Variants in RXRG observed in about 807,000 individuals in gnomAD.
RXRG encodes retinoid X receptor gamma.
A neutral mutation model predicts 49.2 loss-of-function variants in RXRG; 19 were observed. The ratio of observed to expected loss-of-function variants is 0.39; its 90% CI spans 0.27 to 0.57. The LOEUF is 0.57. RXRG is among the 20% of genes least tolerant of loss of function. RXRG has a pLI of 0.64. For missense variants in RXRG, 452 were observed against 592.5 expected, an observed-to-expected ratio of 0.76 and a Z score of 2.46; for synonymous variants, 224 against 216.6, an observed-to-expected ratio of 1.03 and a Z score of -0.30.
chr1:165,402,921 A>G (rs979398197), intron 9 of RXRG, among the ~76,000 whole-genome samples: 2 of 148,562 alleles, frequency 1.3e-5, no homozygotes, highest in African/African-American at 5.1e-5. Context: ...GTGGTCTCAC[A>G]TACATGCACA....
In RXRG at chr1:165,410,760, C is replaced by T. The variant is rs755979930; in HGVS notation, c.855G>A (p.Lys285=). The T allele has an allele frequency of 1.2e-6, 2 of 1,614,112 alleles. No individual in the cohort carries two copies. Among genetic ancestry groups the T allele is most frequent in the Non-Finnish European group, 1.7e-6 (2 of 1,180,016 alleles). Residue 285 remains lysine, a synonymous_variant, in exon 6 of 10, where the codon AAG becomes AAA. Coordinates refer to ENST00000359842, the MANE Select transcript of RXRG (RefSeq NM_006917.5). ...TGAGGTCAGAGAAGTGGGGAATACGCTTGGCCCATTCAACGAGGGTGAAAA... is the reference window on the plus strand; with the variant it reads ...TGAGGTCAGAGAAGTGGGGAATACGTTTGGCCCATTCAACGAGGGTGAAAA... ...KQLFTLVEWA[K]RIPHFSDLTL... is the part of the protein sequence containing the mutation.
In RXRG at chr1:165,428,730, G is replaced by T. The variant is rs776346206; in HGVS notation, c.286C>A (p.Pro96Thr). The part of the protein sequence containing the change: ...APPGINLVAP[P>T]SSQLNVVNSV... ...GGAAGAACACTTACCTGAGAGCTGGGTGGGGCAACCAAGTTGATTCCTGGA... is the reference window on the plus strand; with the variant it reads ...GGAAGAACACTTACCTGAGAGCTGGTTGGGGCAACCAAGTTGATTCCTGGA... Residue 96 changes from proline to threonine, a missense_variant, in exon 2 of 10, where the codon CCC (proline) becomes ACC (threonine). Coordinates refer to ENST00000359842, the MANE Select transcript of RXRG (RefSeq NM_006917.5). The T allele has an allele frequency of 6.3e-7, 1 of 1,598,078 alleles. No homozygotes were observed. Among genetic ancestry groups the T allele is most frequent in the East Asian group, 2.2e-5 (1 of 44,546 alleles).
chr1:165,419,155 G>A (rs1378356910), intron 3 of RXRG, among the ~76,000 whole-genome samples: 1 of 152,146 alleles, frequency 6.6e-6, no homozygotes, highest in African/African-American at 2.4e-5. Flanking sequence ...AAATAACTGA[G>A]AAAAGGAGAA....
At chr1:165,406,437 C>T (rs1657752349) in intron 9 of RXRG, among the ~76,000 whole-genome samples, 1 of 152,272 alleles carries the variant, frequency 6.6e-6, no homozygotes, top group Admixed American at 6.5e-5. Context: ...ACAGGGTTCA[C>T]ATCTCACCTC....
intron 9 of RXRG, among the ~76,000 whole-genome samples, chr1:165,403,996 GACTTTTGATCTCTGCTTTCTGATCA>G (rs1657665570): frequency 6.6e-6 from 1 of 152,210 alleles, no homozygotes; most frequent in Non-Finnish European, 1.5e-5. Context: ...TCTGTGACCT[GACTTTTGATCTCTGCTTTCTGATCA>G]GAGTGAAAGC....
chr1:165,403,970 G>T (rs762367264), intron 9 of RXRG, among the ~76,000 whole-genome samples: 1 of 152,236 alleles, frequency 6.6e-6, no homozygotes, highest in Admixed American at 6.5e-5. Context: ...GTGTGCAAGA[G>T]AGTGTGTGTG....
intron 1 of RXRG, among the ~76,000 whole-genome samples, chr1:165,429,775 G>C (rs958344847): frequency 6.6e-6 from 1 of 152,180 alleles, no homozygotes; most frequent in South Asian, 2.1e-4. Context: ...GCAGCCAAAA[G>C]TGTCTGTGGA....
intron 4 of RXRG, among the ~76,000 whole-genome samples, chr1:165,413,388 A>G (rs1199412291): frequency 6.6e-6 from 1 of 152,232 alleles, no homozygotes; most frequent in Non-Finnish European, 1.5e-5. Context: ...TATGCTCAAC[A>G]TTTTAGATAG....
intron 4 of RXRG, among the ~76,000 whole-genome samples, chr1:165,414,124 C>T (rs12566892): frequency 4.6e-5 from 7 of 152,174 alleles, no homozygotes; most frequent in East Asian, 1.9e-4. Flanking sequence ...ATATAGTCAG[C>T]GGAGGAATTG....
chr1:165,440,460 A>G (rs1228990191), intron 1 of RXRG, among the ~76,000 whole-genome samples: 1 of 152,186 alleles, frequency 6.6e-6, no homozygotes, highest in African/African-American at 2.4e-5. Flanking sequence ...CCAATTGAGC[A>G]TCTATAATCC....
At position 165,401,110 on chromosome 1, in the gene RXRG, G is replaced by A. The variant is rs1657549613; in HGVS notation, c.*153C>T. The A allele has an allele frequency of 1.5e-6, 1 of 652,420 alleles. No individual in the cohort carries two copies. Among genetic ancestry groups the A allele is most frequent in the African/African-American group, 1.9e-5 (1 of 52,986 alleles). The allele number at this position is 652,420 out of a possible 1,614,324, so 40.4% of individuals were successfully genotyped here. A position where few individuals can be genotyped will look rare whatever the true frequency, so the allele number is the denominator to read the frequency against. Reference sequence around the variant, plus strand: ...TCTATACAAAAGTCCACCTATAAAAGTCTCATGTGTAGAAAGGTTTTCTTT... The same window carrying A: ...TCTATACAAAAGTCCACCTATAAAAATCTCATGTGTAGAAAGGTTTTCTTT... On this transcript the variant is annotated 3_prime_UTR_variant, in exon 10 of 10. Transcript: ENST00000359842.
At position 165,401,278 on chromosome 1, in the gene RXRG, C is replaced by G; in HGVS notation, c.1377G>C (p.Pro459=). The G allele has an allele frequency of 6.2e-7, 1 of 1,614,004 alleles. No homozygotes were observed. Among genetic ancestry groups the G allele is most frequent in the African/African-American group, 1.3e-5 (1 of 75,042 alleles). ...DTFLMEMLET[P]LQIT ...CTGGTGGGGCTCAGGTGATCTGCAG[C>G]GGGGTCTCCAACATCTCCATGAGGA... The change falls in exon 10 of 10, where the codon CCG becomes CCC. Residue 459 remains proline, a synonymous_variant. Coordinates refer to ENST00000359842, the MANE Select transcript of RXRG (RefSeq NM_006917.5).
intron 4 of RXRG, 26 bp downstream of exon 4, chr1:165,417,015 G>A (rs747080901): frequency 1.9e-6 from 3 of 1,595,290 alleles, no homozygotes; most frequent in East Asian, 2.3e-5. Flanking sequence ...CTCCGGACAC[G>A]AGTTTTGGAA....
chr1:165,422,365 A>T (rs1658349353), intron 2 of RXRG, among the ~76,000 whole-genome samples: 1 of 152,244 alleles, frequency 6.6e-6, no homozygotes, highest in African/African-American at 2.4e-5. Flanking sequence ...ACGGAAGGAG[A>T]TGCAGGCACT....
At chr1:165,409,785 C>T in intron 6 of RXRG, 95 bp from the exon 7 acceptor site, 1 of 1,153,658 alleles carries the variant, frequency 8.7e-7, no homozygotes, top group Non-Finnish European at 1.1e-6. Context: ...CCACATAACA[C>T]AAGCAGAATT....
Position 165,401,269 on chromosome 1 carries a change from G to T in RXRG, c.1386C>A (p.Ile462=). 6.2e-7 allele frequency: 1 copy of T among 1,614,092 alleles called. No individual in the cohort carries two copies. Among genetic ancestry groups the T allele is most frequent in the Non-Finnish European group, 8.5e-7 (1 of 1,179,996 alleles). ...AGGCTGTGGCTGGTGGGGCTCAGGT[G>T]ATCTGCAGCGGGGTCTCCAACATCT... ...LMEMLETPLQ[I]T is the part of the protein sequence containing the mutation. Residue 462 remains isoleucine, a synonymous_variant, in exon 10 of 10, where the codon ATC becomes ATA. Coordinates refer to ENST00000359842, the MANE Select transcript of RXRG (RefSeq NM_006917.5).
At chr1:165,434,200 C>T (rs1161865074) in intron 1 of RXRG, among the ~76,000 whole-genome samples, 1 of 151,804 alleles carries the variant, frequency 6.6e-6, no homozygotes, top group Non-Finnish European at 1.5e-5. Context: ...AGTTTATCAA[C>T]AGAAATTATT....
intron 1 of RXRG, among the ~76,000 whole-genome samples, chr1:165,440,410 T>G (rs1384750962): frequency 1.3e-5 from 2 of 152,074 alleles, no homozygotes; most frequent in African/African-American, 4.8e-5. Flanking sequence ...GTTTTGGATT[T>G]AGGATTTTTT....
intron 4 of RXRG, among the ~76,000 whole-genome samples, chr1:165,413,887 A>G (rs1008547002): frequency 6.6e-6 from 1 of 152,192 alleles, no homozygotes; most frequent in East Asian, 1.9e-4. Flanking sequence ...TTATCCTAAA[A>G]GGGCAACAGG....
Sources: gnomAD v4.1 joint callset for allele counts (sites outside exome capture counted in the v4.1 genomes callset) on GRCh38, gnomAD v4.1.1 for gene constraint, MANE v1.5 for transcripts, NCBI Gene and HGNC (gene_info 2026-07-23, HGNC 2026-07-21) for gene names.